Variants in MYRFL observed in about 807,000 individuals in gnomAD.
The protein encoded by MYRFL is myelin regulatory factor like, also known as myelin regulatory factor-like protein.
A neutral mutation model predicts 109.4 loss-of-function variants in MYRFL; 88 were observed. The ratio of observed to expected loss-of-function variants is 0.80; its 90% confidence interval spans 0.68 to 0.96. The LOEUF (loss-of-function observed/expected upper bound fraction) is 0.96, where lower values mean the gene tolerates loss of function less well. MYRFL is among the 40% of genes least tolerant of loss of function. The probability of loss-of-function intolerance (pLI) is 0.00; values close to 1 mark genes in which losing one functional copy is unlikely to be tolerated. For missense variants in MYRFL, 957 were observed against 954.9 expected (o/e 1.00, Z -0.03); for synonymous variants, 324 against 320.9 (o/e 1.01, Z -0.10).
In MYRFL at chr12:69,886,761, C is replaced by T. The variant is rs1592757487; in HGVS notation, c.557-59C>T. The stretch of plus-strand genomic sequence containing the variant: ...CCACTCATCAGCTTCATGCTGCTAG[C>T]TGTGAGTTTAGGAAAAACAGCCTGG... On this transcript the variant is annotated intron_variant, in intron 5 of 24. Transcript: ENST00000552032. 18 of 1,524,028 alleles carry T rather than the reference C, an allele frequency of 1.2e-5. No individual in the cohort carries two copies. The East Asian group carries it at 4.2e-4, about 35-fold the overall frequency. 94.4% of individuals were successfully genotyped at this position (1,524,028 alleles called of 1,614,324 possible).
intron 1 of MYRFL, among the ~76,000 whole-genome samples, chr12:69,849,017 G>A (rs1013174052): frequency 2.6e-5 from 4 of 152,116 alleles, no homozygotes; most frequent in Admixed American, 6.5e-5. Flanking sequence ...GACCACAGGT[G>A]CATGGCACCA....
At chr12:69,832,184 G>A (rs1297872303) in intron 1 of MYRFL, among the ~76,000 whole-genome samples, 2 of 152,134 alleles carry the variant, frequency 1.3e-5, no homozygotes, top group African/African-American at 4.8e-5. Flanking sequence ...CAGCATCCAG[G>A]CTTGTAGAGA....
Position 69,908,781 on chromosome 12 carries a change from G to C in MYRFL, c.1384-1188G>C, listed in dbSNP as rs1489820163. ...TTTAAAACTTTTATTTTAAGTTCAG[G>C]GGTACAAGTGCAGGTTTGTTACATA... On this transcript the variant is annotated intron_variant, in intron 11 of 24. Transcript: ENST00000552032. Among the ~76,000 whole-genome samples, 4 of 152,024 alleles carry C rather than the reference G, an allele frequency of 2.6e-5. No individual in the cohort carries two copies. The East Asian group carries it at 7.7e-4, about 29-fold the overall frequency.
At position 69,952,905 on chromosome 12, in the gene MYRFL, C is replaced by T. The variant is rs1477367259; in HGVS notation, c.2375+19C>T. The stretch of plus-strand genomic sequence containing the variant: ...AGTGCGGGTAGGTAAGCCTCCCCAG[C>T]ATGCCCTGGTTGTTTCTGGAATTTA... On this transcript the variant is annotated intron_variant, in intron 21 of 24. Transcript: ENST00000552032. The T allele has an allele frequency of 1.3e-6, 2 of 1,497,238 alleles. No individual in the cohort carries two copies. The highest frequency in any genetic ancestry group is 4.0e-5 in the Admixed American group (2 of 49,428). 92.7% of individuals were successfully genotyped at this position (1,497,238 alleles called of 1,614,324 possible).
intron 2 of MYRFL, among the ~76,000 whole-genome samples, chr12:69,859,040 T>C (rs959863191): frequency 2.6e-5 from 4 of 151,936 alleles, no homozygotes; most frequent in Non-Finnish European, 5.9e-5. Context: ...ATACTATATA[T>C]ATATATTTTT....
chr12:69,923,093 G>T (rs1046673642), intron 13 of MYRFL, among the ~76,000 whole-genome samples: 1 of 152,264 alleles, frequency 6.6e-6, no homozygotes, highest in South Asian at 2.1e-4. Flanking sequence ...TAGGATTTTG[G>T]ATGCTTTTAA....
intron 1 of MYRFL, among the ~76,000 whole-genome samples, chr12:69,827,204 G>A (rs899725081): frequency 6.6e-6 from 1 of 152,154 alleles, no homozygotes. Context: ...CCACCTGAAA[G>A]CTATTTTCTC....
chr12:69,950,661 G>A (rs1408737616), intron 19 of MYRFL, among the ~76,000 whole-genome samples: 1 of 152,200 alleles, frequency 6.6e-6, no homozygotes, highest in Non-Finnish European at 1.5e-5. Flanking sequence ...GAAGGCAGAT[G>A]CTAGCTCAGT....
At chr12:69,882,634 G>A (rs1156425214) in intron 5 of MYRFL, among the ~76,000 whole-genome samples, 4 of 152,180 alleles carry the variant, frequency 2.6e-5, no homozygotes, top group African/African-American at 9.7e-5. Context: ...GGCTGAAAAT[G>A]TAGAATTACT....
At chr12:69,893,012 AG>A (rs1468679066) in intron 7 of MYRFL, among the ~76,000 whole-genome samples, 1 of 152,240 alleles carries the variant, frequency 6.6e-6, no homozygotes, top group Non-Finnish European at 1.5e-5. Flanking sequence ...CCTTATTATT[AG>A]AAGTTTTGTT....
intron 2 of MYRFL, among the ~76,000 whole-genome samples, chr12:69,873,638 A>G (rs1222178155): frequency 6.6e-6 from 1 of 152,192 alleles, no homozygotes; most frequent in Non-Finnish European, 1.5e-5. Context: ...TACTGGAAAA[A>G]GGGGATGATT....
chr12:69,897,303 G>T, intron 10 of MYRFL, 57 bp downstream of exon 10: 3 of 1,243,288 alleles, frequency 2.4e-6, no homozygotes, highest in Non-Finnish European at 3.4e-6. Flanking sequence ...TATGTAGGCA[G>T]AATTTGAATT....
rs188547347 is a variant in MYRFL at position 69,857,173 on chromosome 12, C to A, written c.137+1803C>A. ...TGCACAGTTGTAAAAAATCAATTGA[C>A]AAAATATATGTGGGTCTATTTCTAG... On this transcript the variant is annotated intron_variant, in intron 2 of 24. Transcript: ENST00000552032. Among the ~76,000 whole-genome samples, 584 of 151,966 alleles carry A rather than the reference C, an allele frequency of 3.8e-3. 3 individuals carry two copies. Among genetic ancestry groups the A allele is most frequent in the Non-Finnish European group, 5.6e-3 (381 of 67,776 alleles).
At chr12:69,943,132 C>A (rs1955717165) in intron 19 of MYRFL, among the ~76,000 whole-genome samples, 1 of 151,630 alleles carries the variant, frequency 6.6e-6, no homozygotes, top group South Asian at 2.1e-4. Context: ...GATTCAATGC[C>A]ATCCCCATCA....
chr12:69,879,004 G>GCAATGT, intron 2 of MYRFL, 24 bp from the exon 3 acceptor site: 2 of 702,828 alleles, frequency 2.8e-6, no homozygotes, highest in Non-Finnish European at 5.2e-6. Context: ...AAACAAAAAC[G>GCAATGT]CAATGTATGT....
At chr12:69,898,307 A>G (rs577019489) in intron 10 of MYRFL, among the ~76,000 whole-genome samples, 1 of 152,232 alleles carries the variant, frequency 6.6e-6, no homozygotes, top group Non-Finnish European at 1.5e-5. Context: ...CTATGTCTCA[A>G]CGTTGTAATG....
chr12:69,958,223 TGGA>T (rs1956136813), intron 23 of MYRFL, 23 bp from the exon 24 acceptor site: 2 of 1,513,472 alleles, frequency 1.3e-6, no homozygotes, highest in Admixed American at 2.0e-5. Flanking sequence ...GTGTACGAAA[TGGA>T]TCCTCTTTTA....
chr12:69,868,777 T>G (rs971909813), intron 2 of MYRFL, among the ~76,000 whole-genome samples: 2 of 152,254 alleles, frequency 1.3e-5, no homozygotes, highest in Non-Finnish European at 2.9e-5. Context: ...TGATCAAGTA[T>G]TTATTGAGTG....
At chr12:69,896,773 G>T (rs11177946) in intron 9 of MYRFL, among the ~76,000 whole-genome samples, 6,887 of 152,302 alleles carry the variant, frequency 0.045, 179 homozygotes, top group African/African-American at 0.053. Flanking sequence ...GCTTCCTGTT[G>T]TATTTGTGAG....
Sources: allele counts gnomAD v4.1 joint callset (sites outside exome capture counted in the v4.1 genomes callset), GRCh38; gene constraint gnomAD v4.1.1; transcripts MANE v1.5; gene names NCBI Gene and HGNC (gene_info 2026-07-23, HGNC 2026-07-21).